Variants in AP3S2 observed in about 807,000 individuals in gnomAD.
The protein encoded by AP3S2 is adaptor related protein complex 3 subunit sigma 2, also known as AP-3 complex subunit sigma-2.
A neutral mutation model predicts 23.4 loss-of-function variants in AP3S2; 22 were observed. The ratio of observed to expected loss-of-function variants is 0.94; its 90% CI spans 0.67 to 1.34. The LOEUF (loss-of-function observed/expected upper bound fraction) is 1.34. AP3S2 is among the 40% of genes most tolerant of loss of function. The pLI is 0.00. For missense variants in AP3S2, 241 were observed against 236.9 expected (o/e 1.02, Z -0.11); for synonymous variants, 86 against 87.1 (o/e 0.99, Z 0.07).
chr15:89,881,145 C>T (rs1030752881), intron 3 of AP3S2, among the ~76,000 whole-genome samples: 1 of 152,128 alleles, frequency 6.6e-6, no homozygotes, highest in South Asian at 2.1e-4. Context: ...AAGGCCCAGA[C>T]ACAAAAATGT....
chr15:89,841,710 A>C (rs1458259457), intron 4 of AP3S2, among the ~76,000 whole-genome samples: 1 of 152,206 alleles, frequency 6.6e-6, no homozygotes, highest in African/African-American at 2.4e-5. Flanking sequence ...CCAGAACCCT[A>C]AATCAAGGGA....
intron 4 of AP3S2, among the ~76,000 whole-genome samples, chr15:89,839,062 T>C (rs1481973307): frequency 6.6e-6 from 1 of 152,156 alleles, no homozygotes; most frequent in Non-Finnish European, 1.5e-5. Context: ...TGGTCTCTAC[T>C]CCTCCAGCTT....
intron 1 of AP3S2, chr15:89,893,571 T>G: frequency 2.4e-6 from 1 of 418,512 alleles, no homozygotes; most frequent in Non-Finnish European, 4.2e-6. Flanking sequence ...ATCACTCAAG[T>G]TCTCATCGAG....
chr15:89,889,509 G>T, intron 1 of AP3S2: 1 of 227,820 alleles, frequency 4.4e-6, no homozygotes. Flanking sequence ...AAACATCTAT[G>T]ACAAAGATAT....
chr15:89,859,153 C>G (rs1895938514), intron 4 of AP3S2, among the ~76,000 whole-genome samples: 1 of 149,976 alleles, frequency 6.7e-6, no homozygotes, highest in African/African-American at 2.5e-5. Context: ...GCCTCCACAA[C>G]CAGCCCAAGT....
rs1895165147 is a variant in AP3S2, at chr15:89,835,455, T to G, written c.*60A>C. ...TCAAAATGGGTTCTGTTTCCAGACG[T>G]GCTTGCCTTGCTTGTCTTTGCTTGT... On this transcript the variant is annotated 3_prime_UTR_variant, in exon 6 of 6. Coordinates refer to ENST00000336418, the MANE Select transcript of AP3S2 (RefSeq NM_005829.5). 2 of 1,602,980 alleles carry G rather than the reference T, an allele frequency of 1.2e-6. No homozygotes were observed. The highest frequency in any genetic ancestry group is 1.7e-6 in the Non-Finnish European group (2 of 1,174,550).
intron 3 of AP3S2, among the ~76,000 whole-genome samples, chr15:89,882,073 C>A (rs1006510489): frequency 1.3e-5 from 2 of 152,030 alleles, no homozygotes; most frequent in Non-Finnish European, 2.9e-5. Context: ...CCGCCCGCCT[C>A]GGCCTCCCAA....
chr15:89,848,965 C>T (rs1895566916), intron 4 of AP3S2: 1 of 152,196 alleles, frequency 6.6e-6, no homozygotes, highest in Non-Finnish European at 1.5e-5. Context: ...CTTACTCGTA[C>T]TTTCATTCCA....
At chr15:89,875,371 G>C (rs550706530) in intron 3 of AP3S2, among the ~76,000 whole-genome samples, 3 of 152,326 alleles carry the variant, frequency 2.0e-5, no homozygotes, top group African/African-American at 4.8e-5. Context: ...AAAAAGAACT[G>C]TCAGATGCAT....
At chr15:89,856,535 C>A (rs986746963) in intron 4 of AP3S2, among the ~76,000 whole-genome samples, 13 of 151,954 alleles carry the variant, frequency 8.6e-5, no homozygotes, top group African/African-American at 2.9e-4. Flanking sequence ...CCCGTCTCTA[C>A]TAAAAAAATA....
chr15:89,879,660 C>T (rs972982673), intron 3 of AP3S2, among the ~76,000 whole-genome samples: 4 of 152,100 alleles, frequency 2.6e-5, no homozygotes, highest in African/African-American at 7.2e-5. Context: ...GCCTGGAGTG[C>T]AGTGGCACAA....
intron 3 of AP3S2, 31 bp downstream of exon 3, chr15:89,888,490 G>C: frequency 6.2e-7 from 1 of 1,606,984 alleles, no homozygotes; most frequent in Non-Finnish European, 8.5e-7. Flanking sequence ...ACTCTCTAAA[G>C]CTGCTGCCAT....
At chr15:89,853,567 C>T (rs1895713890) in intron 4 of AP3S2, among the ~76,000 whole-genome samples, 1 of 151,700 alleles carries the variant, frequency 6.6e-6, no homozygotes, top group African/African-American at 2.4e-5. Flanking sequence ...TGCCTGGCCG[C>T]CCATCGTCTG....
At chr15:89,874,974 A>T (rs1047666967) in intron 3 of AP3S2, among the ~76,000 whole-genome samples, 1 of 152,242 alleles carries the variant, frequency 6.6e-6, no homozygotes, top group Non-Finnish European at 1.5e-5. Context: ...GGGGAAAAAT[A>T]AAGTTACATA....
At chr15:89,870,202 T>C (rs115924360) in intron 4 of AP3S2, among the ~76,000 whole-genome samples, 1 of 152,062 alleles carries the variant, frequency 6.6e-6, no homozygotes, top group African/African-American at 2.4e-5. Flanking sequence ...TTGACAGAAG[T>C]TGCAAAATAG....
intron 4 of AP3S2, among the ~76,000 whole-genome samples, chr15:89,854,344 AG>A (rs1428602039): frequency 2.1e-4 from 3 of 14,086 alleles, no homozygotes; most frequent in African/African-American, 3.1e-4. Flanking sequence ...GGAGGGAGGT[AG>A]GGGGGTCAGC....
intron 1 of AP3S2, among the ~76,000 whole-genome samples, chr15:89,892,052 A>G (rs1024227257): frequency 3.3e-5 from 5 of 152,248 alleles, no homozygotes; most frequent in African/African-American, 1.2e-4. Context: ...AATAAAAGAA[A>G]TGAAGAACAT....
At chr15:89,875,675 G>C (rs1374021025) in intron 3 of AP3S2, among the ~76,000 whole-genome samples, 1 of 152,200 alleles carries the variant, frequency 6.6e-6, no homozygotes, top group Admixed American at 6.5e-5. Context: ...TGGGCTGGGC[G>C]CAGTGACTCA....
chr15:89,879,759 C>A (rs1420285349), intron 3 of AP3S2, among the ~76,000 whole-genome samples: 3 of 151,952 alleles, frequency 2.0e-5, no homozygotes, highest in African/African-American at 7.3e-5. Context: ...GCACCTGTCA[C>A]CACGCCTGGC....
Sources: gnomAD v4.1 joint callset for allele counts (sites outside exome capture counted in the v4.1 genomes callset) on GRCh38, gnomAD v4.1.1 for gene constraint, MANE v1.5 for transcripts, NCBI Gene and HGNC (gene_info 2026-07-23, HGNC 2026-07-21) for gene names.